The following KANK1 variants were observed in gnomAD, a reference collection of about 807,000 sequenced individuals.
KANK1 encodes the protein KN motif and ankyrin repeat domains 1.
Under a neutral mutation model 106.2 loss-of-function variants are expected in KANK1, and 109 were observed. The ratio of observed to expected loss-of-function variants is 1.03; its 90% CI spans 0.88 to 1.20. KANK1 has a LOEUF of 1.20. KANK1 is among the 50% of genes most tolerant of loss of function. The pLI is 0.00. For synonymous variants in KANK1, 873 were observed against 652.2 expected (o/e 1.34, Z -5.16); for missense variants, 2,399 against 1,710.7 (o/e 1.40, Z -7.10).
intron 1 of KANK1, among the ~76,000 whole-genome samples, chr9:667,171 T>C (rs1298134331): frequency 6.6e-6 from 1 of 152,018 alleles, no homozygotes; most frequent in Non-Finnish European, 1.5e-5. Context: ...TGGTTCAATT[T>C]TGGTTGTATA....
At chr9:584,353 C>G (rs1404654835) in intron 1 of KANK1, among the ~76,000 whole-genome samples, 1 of 152,128 alleles carries the variant, frequency 6.6e-6, no homozygotes, top group African/African-American at 2.4e-5. Context: ...GAAGGCGGTT[C>G]AACAAAGTGC....
intron 2 of KANK1, among the ~76,000 whole-genome samples, chr9:691,808 A>T (rs1820008397): frequency 7.1e-6 from 1 of 141,298 alleles, no homozygotes; most frequent in Admixed American, 7.2e-5. Context: ...GTAGAGACAG[A>T]GTGTCACTGT....
At chr9:489,954 C>G (rs1423988830) in intron 3 of KANK1, among the ~76,000 whole-genome samples, 1 of 152,036 alleles carries the variant, frequency 6.6e-6, no homozygotes, top group African/African-American at 2.4e-5. Context: ...TACAGATCAT[C>G]CAGAATAAAT....
At chr9:558,649 G>A (rs1286063923) in intron 1 of KANK1, among the ~76,000 whole-genome samples, 1 of 151,194 alleles carries the variant, frequency 6.6e-6, no homozygotes, top group Non-Finnish European at 1.5e-5. Flanking sequence ...GATGTTTGGG[G>A]CTCATTTTAA....
Position 745,161 on chromosome 9 carries a change from C to T in KANK1, c.3997-12C>T, listed in dbSNP as rs1265740052. 1.9e-6 allele frequency: 3 copies of T among 1,612,076 alleles called. No individual in the cohort carries two copies. The highest frequency in any genetic ancestry group is 1.7e-5 in the Admixed American group (1 of 59,616). ...TATTAACCCCCAGTTTTTTTCCTTT[C>T]CTGGTCTCTAGGGCACCCCTAGGCT... is the stretch of plus-strand genomic sequence containing the variant. On this transcript the variant is annotated splice_polypyrimidine_tract_variant and intron_variant, in intron 11 of 11. Coordinates refer to ENST00000382297, the MANE Select transcript of KANK1 (RefSeq NM_015158.5).
chr9:482,514 C>T (rs185276223), intron 3 of KANK1, among the ~76,000 whole-genome samples: 39 of 152,242 alleles, frequency 2.6e-4, no homozygotes, highest in African/African-American at 6.5e-4. Flanking sequence ...TCCCCTCTCT[C>T]GAGATGGGTA....
At chr9:512,249 G>GTGTGTGTGTGTGTATATA (rs370159663) in intron 1 of KANK1, among the ~76,000 whole-genome samples, 1 of 149,506 alleles carries the variant, frequency 6.7e-6, no homozygotes, top group African/African-American at 2.5e-5. Flanking sequence ...GTGTGTGTGT[G>GTGTGTGTGTGTGTATATA]TATGTATATA....
intron 1 of KANK1, among the ~76,000 whole-genome samples, chr9:570,041 A>T (rs1818781485): frequency 6.6e-6 from 1 of 152,158 alleles, no homozygotes; most frequent in South Asian, 2.1e-4. Flanking sequence ...ACAATTATTT[A>T]GGAGAATAGA....
At chr9:595,098 C>G in intron 1 of KANK1, among the ~76,000 whole-genome samples, 1 of 151,728 alleles carries the variant, frequency 6.6e-6, no homozygotes, top group East Asian at 1.9e-4. Context: ...ATTGAAATAG[C>G]CAAAACAAAT....
intron 3 of KANK1, among the ~76,000 whole-genome samples, chr9:726,319 A>C (rs1472414320): frequency 6.6e-6 from 1 of 152,174 alleles, no homozygotes; most frequent in Admixed American, 6.6e-5. Context: ...GAATAAGCCC[A>C]TTGATCTTTT....
chr9:580,853 T>C (rs1821920343), intron 1 of KANK1, among the ~76,000 whole-genome samples: 1 of 152,166 alleles, frequency 6.6e-6, no homozygotes, highest in Admixed American at 6.5e-5. Context: ...TGGGCTGCGC[T>C]GGAGCCCACG....
chr9:517,948 G>A (rs899997847), intron 1 of KANK1, among the ~76,000 whole-genome samples: 3 of 151,284 alleles, frequency 2.0e-5, no homozygotes, highest in Non-Finnish European at 4.4e-5. Flanking sequence ...TTATTGGCCG[G>A]GCTGGTCTTG....
intron 3 of KANK1, 45 bp downstream of exon 3, chr9:713,509 A>G: frequency 6.6e-7 from 1 of 1,510,652 alleles, no homozygotes; most frequent in Non-Finnish European, 8.8e-7. Flanking sequence ...GGATGGGGGA[A>G]AATGTCTTTC....
At chr9:736,050 C>T (rs970089213) in intron 7 of KANK1, among the ~76,000 whole-genome samples, 5 of 152,116 alleles carry the variant, frequency 3.3e-5, no homozygotes, top group East Asian at 2.0e-4. Flanking sequence ...CTCCGCCTCC[C>T]GGGTTCGGGC....
chr9:623,880 T>C (rs956357661), intron 1 of KANK1, among the ~76,000 whole-genome samples: 1 of 152,198 alleles, frequency 6.6e-6, no homozygotes, highest in African/African-American at 2.4e-5. Flanking sequence ...CTTGTGGATA[T>C]ATGTTTAAAA....
In KANK1 at chr9:567,659, T is replaced by A. The variant is rs79297916; in HGVS notation, c.-84+62905T>A. Among the ~76,000 whole-genome samples the A allele has an allele frequency of 6.5e-3, 990 of 152,324 alleles. 16 individuals carry two copies. Among genetic ancestry groups the A allele is most frequent in the African/African-American group, 0.023 (936 of 41,554 alleles). The stretch of plus-strand genomic sequence containing the variant: ...GAATGTGCCATATAAATGAAACATG[T>A]TTGGAAATGTGAAACCAAGTCATCC... On this transcript the variant is annotated intron_variant, in intron 1 of 11. Coordinates refer to ENST00000382297, the MANE Select transcript of KANK1 (RefSeq NM_015158.5).
chr9:507,933 C>T (rs968965142), intron 1 of KANK1, among the ~76,000 whole-genome samples: 2 of 151,748 alleles, frequency 1.3e-5, no homozygotes, highest in South Asian at 2.1e-4. Flanking sequence ...ATCCGCCCAC[C>T]TCAGCCTCCC....
Position 715,668 on chromosome 9 carries a change from A to G in KANK1, c.2698+2204A>G, listed in dbSNP as rs559634471. Among the ~76,000 whole-genome samples, 14 of 152,354 alleles carry G rather than the reference A, an allele frequency of 9.2e-5. No homozygotes were observed. The South Asian group carries it at 2.3e-3, about 25-fold the overall frequency. ...AGAAGACCTACAGCACTTGTGAACA[A>G]AACAATAAATATTTTTAACAGCACT... On this transcript the variant is annotated intron_variant, in intron 3 of 11. Coordinates refer to ENST00000382297, the MANE Select transcript of KANK1 (RefSeq NM_015158.5).
At chr9:572,157 TTTTTTTTTTTTTTC>T (rs1402458704) in intron 1 of KANK1, among the ~76,000 whole-genome samples, 1 of 111,432 alleles carries the variant, frequency 9.0e-6, no homozygotes, top group Non-Finnish European at 1.9e-5. Context: ...GTGATTTTTT[TTTTTTTTTTTTTTC>T]TAAGAGACAG....
Sources: gnomAD v4.1 joint callset for allele counts (sites outside exome capture counted in the v4.1 genomes callset) on GRCh38, gnomAD v4.1.1 for gene constraint, MANE v1.5 for transcripts, NCBI Gene and HGNC (gene_info 2026-07-23, HGNC 2026-07-21) for gene names.